EFCAB6: variants seen among roughly 807,000 people sequenced by gnomAD.
EFCAB6 encodes the protein EF-hand calcium-binding domain-containing protein 6.
Under a neutral mutation model 169.8 loss-of-function variants are expected in EFCAB6, and 156 were observed. The ratio of observed to expected loss-of-function variants is 0.92; its 90% CI spans 0.81 to 1.05. The LOEUF (loss-of-function observed/expected upper bound fraction) is 1.05, where lower values mean the gene tolerates loss of function less well. EFCAB6 is among the 50% of genes least tolerant of loss of function. EFCAB6 has a pLI of 0.00. For missense variants in EFCAB6, 1,800 were observed against 1,829.1 expected (o/e 0.98, Z 0.29); for synonymous variants, 698 against 676.4 (o/e 1.03, Z -0.50).
chr22:43,800,044 G>A (rs531812299), intron 2 of EFCAB6, among the ~76,000 whole-genome samples: 21 of 152,272 alleles, frequency 1.4e-4, no homozygotes, highest in Non-Finnish European at 2.5e-4. Context: ...AGGTAAAGAG[G>A]GGGAGGTGGG....
chr22:43,598,310 G>GAAAACAA lies in EFCAB6; in HGVS notation c.2876+1758_2876+1759insTTGTTTT, dbSNP rs1402967848. Among the ~76,000 whole-genome samples the GAAAACAA allele has an allele frequency of 5.4e-4, 31 of 57,658 alleles. 5 individuals carry two copies. The highest frequency in any genetic ancestry group is 1.3e-3 in the African/African-American group (25 of 18,676). 37.8% of individuals were successfully genotyped at this position (57,658 alleles called of 152,430 possible). ...TGATGAAAGTGAGACACTGTCTCCG[G>GAAAACAA]GAAAAAAAAAAAAAAAAAAAAAAAA... On this transcript the variant is annotated intron_variant, in intron 23 of 31. Transcript: ENST00000262726.
intron 17 of EFCAB6, among the ~76,000 whole-genome samples, chr22:43,662,570 A>G (rs1309610364): frequency 2.6e-5 from 4 of 152,156 alleles, no homozygotes; most frequent in Non-Finnish European, 2.9e-5. Flanking sequence ...CTTCACAACC[A>G]TTTTGCTATA....
chr22:43,578,856 T>G (rs1188467327), intron 25 of EFCAB6, among the ~76,000 whole-genome samples: 10 of 150,726 alleles, frequency 6.6e-5, no homozygotes, highest in African/African-American at 2.4e-4. Context: ...GCAGGCATCA[T>G]TCCCTACACG....
chr22:43,695,398 T>C (rs556535211), intron 10 of EFCAB6, among the ~76,000 whole-genome samples: 1 of 152,100 alleles, frequency 6.6e-6, no homozygotes, highest in South Asian at 2.1e-4. Flanking sequence ...GAAAACAATA[T>C]TGTTAAAGTG....
intron 8 of EFCAB6, among the ~76,000 whole-genome samples, chr22:43,718,977 GGACACCT>G (rs1408991088): frequency 2.0e-5 from 3 of 152,156 alleles, no homozygotes; most frequent in Non-Finnish European, 1.5e-5. Flanking sequence ...AGCCCCTCTT[GGACACCT>G]CATCCTGTTC....
At chr22:43,687,640 A>G in intron 10 of EFCAB6, 59 bp from the exon 11 acceptor site, 1 of 995,506 alleles carries the variant, frequency 1.0e-6, no homozygotes, top group Non-Finnish European at 1.5e-6. Context: ...ATAACACTGC[A>G]TGGATTAGGT....
At chr22:43,624,590 G>T (rs564698357) in intron 20 of EFCAB6, among the ~76,000 whole-genome samples, 231 of 152,236 alleles carry the variant, frequency 1.5e-3, no homozygotes, top group African/African-American at 5.5e-3. Flanking sequence ...GCCTGCACCT[G>T]GCAAACTCTT....
intron 20 of EFCAB6, among the ~76,000 whole-genome samples, chr22:43,625,225 C>T (rs1451763295): frequency 6.6e-6 from 1 of 152,144 alleles, no homozygotes; most frequent in Non-Finnish European, 1.5e-5. Context: ...AGGGGCTCCA[C>T]TCTCAGGGAG....
intron 17 of EFCAB6, among the ~76,000 whole-genome samples, chr22:43,659,394 C>T (rs911237385): frequency 6.6e-6 from 1 of 152,200 alleles, no homozygotes; most frequent in Non-Finnish European, 1.5e-5. Flanking sequence ...CGTGGTGGCT[C>T]ACACCTGTAA....
At chr22:43,670,082 C>T (rs2057423150) in intron 15 of EFCAB6, among the ~76,000 whole-genome samples, 1 of 152,128 alleles carries the variant, frequency 6.6e-6, no homozygotes, top group African/African-American at 2.4e-5. Flanking sequence ...TCTTTATAGC[C>T]TTTCTACCAG....
intron 2 of EFCAB6, among the ~76,000 whole-genome samples, chr22:43,784,716 C>CATATATAT (rs1445484512): frequency 4.0e-5 from 5 of 125,590 alleles, no homozygotes; most frequent in African/African-American, 1.5e-4. Context: ...CACACACACA[C>CATATATAT]ACATATATAT....
At chr22:43,800,096 C>T (rs1312125092) in intron 2 of EFCAB6, among the ~76,000 whole-genome samples, 1 of 152,180 alleles carries the variant, frequency 6.6e-6, no homozygotes, top group Non-Finnish European at 1.5e-5. Flanking sequence ...TCTAACTCAA[C>T]AAAAGGAGAC....
At chr22:43,599,509 C>CAAAAAAAAAAAA (rs58130994) in intron 23 of EFCAB6, among the ~76,000 whole-genome samples, 6 of 44,242 alleles carry the variant, frequency 1.4e-4, no homozygotes, top group African/African-American at 1.8e-4. Context: ...GATTCCATCT[C>CAAAAAAAAAAAA]AAAAAAAAAA....
At chr22:43,639,584 C>G (rs935631188) in intron 17 of EFCAB6, among the ~76,000 whole-genome samples, 1 of 152,058 alleles carries the variant, frequency 6.6e-6, no homozygotes, top group Non-Finnish European at 1.5e-5. Context: ...TTTAAGATTT[C>G]TCTCTTTGAT....
intron 6 of EFCAB6, among the ~76,000 whole-genome samples, chr22:43,754,430 T>G (rs1277197445): frequency 6.6e-5 from 10 of 152,092 alleles, no homozygotes; most frequent in Non-Finnish European, 1.3e-4. Flanking sequence ...TAGGTAGAAT[T>G]TGGGCTACAG....
At chr22:43,635,072 C>T in intron 18 of EFCAB6, 30 bp downstream of exon 18, 5 of 1,589,674 alleles carry the variant, frequency 3.1e-6, no homozygotes, top group Non-Finnish European at 4.3e-6. Flanking sequence ...AGGACGCATC[C>T]CACAGGGTGT....
intron 23 of EFCAB6, among the ~76,000 whole-genome samples, chr22:43,594,074 G>A (rs1244889060): frequency 6.6e-6 from 1 of 152,018 alleles, no homozygotes; most frequent in Non-Finnish European, 1.5e-5. Context: ...TCGGGAGTTT[G>A]AGACCAGCCT....
At chr22:43,780,765 A>G (rs1043786317) in intron 3 of EFCAB6, among the ~76,000 whole-genome samples, 19 of 152,114 alleles carry the variant, frequency 1.2e-4, no homozygotes, top group African/African-American at 4.6e-4. Context: ...AACAGTCTCT[A>G]TTTTGCAGGC....
At chr22:43,624,825 T>C (rs999497327) in intron 20 of EFCAB6, among the ~76,000 whole-genome samples, 2 of 152,174 alleles carry the variant, frequency 1.3e-5, no homozygotes, top group Non-Finnish European at 2.9e-5. Flanking sequence ...GATGAATGAG[T>C]GTATACATAC....
Sources: allele counts gnomAD v4.1 joint callset (sites outside exome capture counted in the v4.1 genomes callset), GRCh38; gene constraint gnomAD v4.1.1; transcripts MANE v1.5; gene names NCBI Gene and HGNC (gene_info 2026-07-23, HGNC 2026-07-21).